Variants in PAK1 observed in about 807,000 individuals in gnomAD.
The protein encoded by PAK1 is serine/threonine-protein kinase PAK 1.
A neutral mutation model predicts 67.4 loss-of-function variants in PAK1; 29 were observed. That is an observed-to-expected ratio of 0.43 (90% CI 0.32 to 0.59). The LOEUF (loss-of-function observed/expected upper bound fraction) is 0.59. PAK1 is among the 20% of genes least tolerant of loss of function. PAK1 has a pLI of 0.07. For synonymous variants in PAK1, 223 were observed against 237.4 expected (o/e 0.94, Z 0.56); for missense variants, 337 against 670.7 (o/e 0.50, Z 5.50).
At chr11:77,361,236 C>A (rs1946739488) in intron 5 of PAK1, among the ~76,000 whole-genome samples, 1 of 152,168 alleles carries the variant, frequency 6.6e-6, no homozygotes, top group South Asian at 2.1e-4. Flanking sequence ...AGGCAAGCCT[C>A]TCTAATAAAA....
At chr11:77,511,229 G>A in the PAK1 span, among the ~76,000 whole-genome samples, 1 of 152,150 alleles carries the variant, frequency 6.6e-6, no homozygotes, top group Admixed American at 6.5e-5. Flanking sequence ...TATTATTAAG[G>A]CTTCAGCTTT....
intron 13 of PAK1, among the ~76,000 whole-genome samples, chr11:77,333,853 C>T (rs763105306): frequency 3.3e-5 from 5 of 152,120 alleles, no homozygotes; most frequent in East Asian, 1.9e-4. Context: ...AGATAGGGTC[C>T]GGAAACATAA....
chr11:77,377,423 T>C (rs1307015299), intron 4 of PAK1, among the ~76,000 whole-genome samples: 2 of 152,104 alleles, frequency 1.3e-5, no homozygotes, highest in African/African-American at 4.8e-5. Context: ...TTATAGAAAA[T>C]TAAAATTCTT....
chr11:77,373,757 T>C (rs1592043987), intron 5 of PAK1, among the ~76,000 whole-genome samples: 1 of 152,230 alleles, frequency 6.6e-6, no homozygotes, highest in East Asian at 1.9e-4. Flanking sequence ...ATAACATCCA[T>C]TTGAGTGTCA....
intron 1 of PAK1, among the ~76,000 whole-genome samples, chr11:77,414,806 T>C (rs1423716251): frequency 6.6e-6 from 1 of 152,008 alleles, no homozygotes; most frequent in Non-Finnish European, 1.5e-5. Flanking sequence ...AAATATAATG[T>C]AGGGGAAAAT....
intron 14 of PAK1, among the ~76,000 whole-genome samples, chr11:77,328,335 C>G (rs1187274167): frequency 6.6e-6 from 1 of 152,234 alleles, no homozygotes; most frequent in East Asian, 1.9e-4. Flanking sequence ...AATATACATT[C>G]TTTTCAGCAC....
At chr11:77,420,284 A>G (rs1001206557) in intron 1 of PAK1, among the ~76,000 whole-genome samples, 1 of 152,242 alleles carries the variant, frequency 6.6e-6, no homozygotes, top group Non-Finnish European at 1.5e-5. Context: ...TCTTGGAAAT[A>G]GTAAATAATC....
At chr11:77,326,382 C>G (rs1939871798) in intron 14 of PAK1, among the ~76,000 whole-genome samples, 1 of 152,152 alleles carries the variant, frequency 6.6e-6, no homozygotes, top group Admixed American at 6.6e-5. Context: ...AAGCCACACT[C>G]ACTAATTATC....
chr11:77,409,824 T>C (rs1954235941), intron 1 of PAK1, among the ~76,000 whole-genome samples: 1 of 152,062 alleles, frequency 6.6e-6, no homozygotes, highest in African/African-American at 2.4e-5. Flanking sequence ...AAAAAAGATA[T>C]AAATGTACTT....
chr11:77,396,812 TCCCTGCAG>T (rs908373291), intron 1 of PAK1, among the ~76,000 whole-genome samples: 3 of 152,226 alleles, frequency 2.0e-5, no homozygotes, highest in Admixed American at 2.0e-4. Context: ...CTTTCCAGCT[TCCCTGCAG>T]CCCTCCAACA....
intron 1 of PAK1, among the ~76,000 whole-genome samples, chr11:77,438,497 GGA>G: frequency 6.6e-6 from 1 of 152,164 alleles, no homozygotes; most frequent in Non-Finnish European, 1.5e-5. Flanking sequence ...AAATGTTTGT[GGA>G]TGGAGCCCTT....
chr11:77,351,041 T>C (rs17135577), intron 8 of PAK1, among the ~76,000 whole-genome samples: 3,178 of 152,240 alleles, frequency 0.021, 106 homozygotes, highest in African/African-American at 0.072. Context: ...TGAATAGACA[T>C]ATAATTAGAC....
At position 77,384,804 on chromosome 11, in the gene PAK1, T is replaced by C. The variant is rs566821243; in HGVS notation, c.191-4810A>G. 4.6e-5 allele frequency among the ~76,000 whole-genome samples: 7 copies of C among 152,314 alleles called. No individual in the cohort carries two copies. The South Asian group carries it at 1.5e-3, about 32-fold the overall frequency. ...TTCTTTCTGGAGTGATGAAAATGTATTGGAATTAGTTGTAATGGTTGTACA... is the reference window on the plus strand; with the variant it reads ...TTCTTTCTGGAGTGATGAAAATGTACTGGAATTAGTTGTAATGGTTGTACA... On this transcript the variant is annotated intron_variant, in intron 2 of 14. Coordinates refer to ENST00000356341, the MANE Select transcript of PAK1 (RefSeq NM_002576.5).
chr11:77,394,318 C>T lies in PAK1; in HGVS notation c.-21-1777G>A, dbSNP rs563372026. ...GGCCTCCATAAATTTTGATTTAGAA[C>T]GGCTGAGTTAAGACCTAATTCTGTA... On this transcript the variant is annotated intron_variant, in intron 1 of 14. Transcript: ENST00000356341. Among the ~76,000 whole-genome samples, 11 of 152,208 alleles carry T rather than the reference C, an allele frequency of 7.2e-5. No homozygotes were observed. In the East Asian group the frequency reaches 1.4e-3, roughly 19 times the overall value.
chr11:77,490,450 G>A, the PAK1 span, among the ~76,000 whole-genome samples: 1 of 149,878 alleles, frequency 6.7e-6, no homozygotes. Flanking sequence ...CCGTCTGGGA[G>A]GGAGGTGGGG....
intron 11 of PAK1, among the ~76,000 whole-genome samples, chr11:77,338,225 G>T (rs1943042544): frequency 6.6e-6 from 1 of 152,082 alleles, no homozygotes; most frequent in Admixed American, 6.6e-5. Context: ...TCAATAATTT[G>T]ATTTCATTGA....
the PAK1 span, among the ~76,000 whole-genome samples, chr11:77,505,366 G>A: frequency 2.7e-3 from 411 of 151,996 alleles, 4 homozygotes; most frequent in Middle Eastern, 0.014. Context: ...TTTTATATTC[G>A]TAGTAGAGAC....
chr11:77,467,480 T>C (rs1957651962), intron 1 of PAK1, among the ~76,000 whole-genome samples: 1 of 152,252 alleles, frequency 6.6e-6, no homozygotes, highest in Non-Finnish European at 1.5e-5. Context: ...GAACTTTAAA[T>C]GGCAATAAAA....
chr11:77,365,251 C>CAAAAAAA (rs1364090865), intron 5 of PAK1, among the ~76,000 whole-genome samples: 10 of 45,492 alleles, frequency 2.2e-4, no homozygotes, highest in South Asian at 6.2e-4. Context: ...GACTCTGTCT[C>CAAAAAAA]AAAAAAAAAA....
Sources: gnomAD v4.1 joint callset for allele counts (sites outside exome capture counted in the v4.1 genomes callset) on GRCh38, gnomAD v4.1.1 for gene constraint, MANE v1.5 for transcripts, NCBI Gene and HGNC (gene_info 2026-07-23, HGNC 2026-07-21) for gene names.